The following TENM3 variants were observed in gnomAD, a reference collection of about 807,000 sequenced individuals.
TENM3 encodes the protein teneurin transmembrane protein 3.
Under a neutral mutation model 255.1 loss-of-function variants are expected in TENM3, and 63 were observed. The observed-to-expected ratio is 0.25, with a 90% CI of 0.20 to 0.30. TENM3 has a LOEUF of 0.30. Among genes scored for constraint, TENM3 ranks in the 10% least tolerant of loss-of-function variants. TENM3 has a pLI of 1.00. For missense variants in TENM3, 2,929 were observed against 3,461.1 expected, an observed-to-expected ratio of 0.85 and a Z score of 3.86; for synonymous variants, 1,306 against 1,322.3, an observed-to-expected ratio of 0.99 and a Z score of 0.27.
chr4:181,542,651 C>A, the TENM3 span, among the ~76,000 whole-genome samples: 3 of 152,156 alleles, frequency 2.0e-5, no homozygotes, highest in African/African-American at 7.2e-5. Flanking sequence ...TCTAGGTTTT[C>A]ATTTCATATG....
chr4:181,790,872 CT>C, the TENM3 span, among the ~76,000 whole-genome samples: 3 of 152,328 alleles, frequency 2.0e-5, no homozygotes, highest in East Asian at 3.9e-4. Flanking sequence ...CAAGTTACCT[CT>C]GCTTACCTTT....
chr4:181,533,037 C>A, the TENM3 span, among the ~76,000 whole-genome samples: 6,713 of 152,210 alleles, frequency 0.044, 229 homozygotes, highest in South Asian at 0.16. Context: ...GAAGACATGG[C>A]TTTTCTACCC....
intron 22 of TENM3, among the ~76,000 whole-genome samples, chr4:182,760,997 T>C (rs891647224): frequency 3.3e-5 from 5 of 151,712 alleles, no homozygotes; most frequent in Non-Finnish European, 5.9e-5. Context: ...AAGATATCAT[T>C]AATTAGAAAA....
the TENM3 span, among the ~76,000 whole-genome samples, chr4:182,100,838 T>C: frequency 1.8e-3 from 27 of 15,420 alleles, 4 homozygotes; most frequent in African/African-American, 9.3e-3. Flanking sequence ...TATATATATA[T>C]ACTCATATAT....
the TENM3 span, among the ~76,000 whole-genome samples, chr4:181,958,869 C>A: frequency 1.8e-4 from 27 of 152,098 alleles, no homozygotes; most frequent in African/African-American, 5.1e-4. Flanking sequence ...AATGTAATTA[C>A]CTATTTAGTG....
chr4:182,209,458 CA>C (rs140384859), intron 1 of TENM3, among the ~76,000 whole-genome samples: 2,470 of 152,138 alleles, frequency 0.016, 63 homozygotes, highest in African/African-American at 0.057. Flanking sequence ...CAAAGGCTGC[CA>C]AGACTCCTGC....
the TENM3 span, among the ~76,000 whole-genome samples, chr4:181,858,956 T>C: frequency 6.6e-6 from 1 of 152,012 alleles, no homozygotes; most frequent in African/African-American, 2.4e-5. Flanking sequence ...TTTGGGAAGA[T>C]TAATCCAACA....
At chr4:182,206,881 TC>T (rs1754619543) in intron 1 of TENM3, among the ~76,000 whole-genome samples, 2 of 152,154 alleles carry the variant, frequency 1.3e-5, no homozygotes, top group Non-Finnish European at 2.9e-5. Context: ...GTTCTTTCTT[TC>T]TCTCTCTTTT....
At chr4:182,060,632 A>G in the TENM3 span, among the ~76,000 whole-genome samples, 1 of 152,198 alleles carries the variant, frequency 6.6e-6, no homozygotes, top group African/African-American at 2.4e-5. Flanking sequence ...TGGGTTACCT[A>G]GAACCATCAC....
chr4:182,547,053 A>C (rs1464683030), intron 3 of TENM3, among the ~76,000 whole-genome samples: 1 of 152,176 alleles, frequency 6.6e-6, no homozygotes, highest in Non-Finnish European at 1.5e-5. Context: ...TTCTAGATGT[A>C]CCTCACGTGA....
the TENM3 span, among the ~76,000 whole-genome samples, chr4:181,745,345 C>T: frequency 4.6e-5 from 7 of 152,060 alleles, no homozygotes; most frequent in Admixed American, 4.6e-4. Context: ...GGAGAGACTG[C>T]TCATTGAAGG....
the TENM3 span, among the ~76,000 whole-genome samples, chr4:181,977,102 C>T: frequency 7.2e-5 from 11 of 152,292 alleles, no homozygotes; most frequent in South Asian, 2.3e-3. Context: ...CGCCCAGCTT[C>T]AAATCCCCAT....
intron 1 of TENM3, among the ~76,000 whole-genome samples, chr4:182,270,241 A>G (rs140185093): frequency 2.2e-4 from 34 of 152,304 alleles, no homozygotes; most frequent in African/African-American, 7.9e-4. Flanking sequence ...TCCTAATCCC[A>G]GCTGTATTAA....
chr4:181,792,270 T>C, the TENM3 span, among the ~76,000 whole-genome samples: 1 of 152,230 alleles, frequency 6.6e-6, no homozygotes, highest in African/African-American at 2.4e-5. Flanking sequence ...TGCTTGTAAA[T>C]AGGAAAACAT....
the TENM3 span, among the ~76,000 whole-genome samples, chr4:181,849,825 C>T: frequency 6.6e-6 from 1 of 151,990 alleles, no homozygotes; most frequent in Non-Finnish European, 1.5e-5. Flanking sequence ...GAATGAAAGA[C>T]CAAAATTAAT....
At chr4:181,670,386 C>G in the TENM3 span, among the ~76,000 whole-genome samples, 1 of 151,788 alleles carries the variant, frequency 6.6e-6, no homozygotes, top group Admixed American at 6.6e-5. Context: ...CAAAGTGATA[C>G]TGCTGTATTA....
chr4:182,446,530 C>T (rs546729297), intron 3 of TENM3, among the ~76,000 whole-genome samples: 7 of 152,168 alleles, frequency 4.6e-5, no homozygotes, highest in African/African-American at 1.2e-4. Context: ...TTTCTGCATT[C>T]GAACGTTCTA....
intron 1 of TENM3, among the ~76,000 whole-genome samples, chr4:182,222,590 C>T (rs1037123537): frequency 1.3e-5 from 2 of 152,278 alleles, no homozygotes; most frequent in South Asian, 2.1e-4. Context: ...AGTAGTTTAT[C>T]GTTGCAAAGT....
chr4:182,227,466 A>G (rs1239057098), intron 1 of TENM3, among the ~76,000 whole-genome samples: 2 of 76,270 alleles, frequency 2.6e-5, no homozygotes, highest in Non-Finnish European at 3.9e-5. Context: ...GGCCATCATT[A>G]TTAGCCACAT....
Sources: allele counts gnomAD v4.1 joint callset (sites outside exome capture counted in the v4.1 genomes callset), GRCh38; gene constraint gnomAD v4.1.1; transcripts MANE v1.5; gene names NCBI Gene and HGNC (gene_info 2026-07-23, HGNC 2026-07-21).